The following INTS12 variants were observed in gnomAD, a reference collection of about 807,000 sequenced individuals.
INTS12 encodes integrator complex subunit 12.
A neutral mutation model predicts 41.6 loss-of-function variants in INTS12; 13 were observed. That is an observed-to-expected ratio of 0.31 (90% confidence interval 0.20 to 0.50). The LOEUF is 0.50. Ranked by LOEUF, INTS12 falls within the 20% of genes least tolerant of loss-of-function variation. The pLI, the probability that INTS12 is intolerant of heterozygous loss-of-function variation, is 0.98. For missense variants in INTS12, 432 were observed against 541.6 expected (o/e 0.80, Z 2.01); for synonymous variants, 199 against 191.4 (o/e 1.04, Z -0.33).
chr4:105,688,844 A>G (rs1731581942), intron 6 of INTS12, among the ~76,000 whole-genome samples: 1 of 152,246 alleles, frequency 6.6e-6, no homozygotes, highest in Non-Finnish European at 1.5e-5. Flanking sequence ...TTATCCAGCC[A>G]TCTTAGAAAC....
intron 2 of INTS12, among the ~76,000 whole-genome samples, chr4:105,702,293 A>G (rs1459282997): frequency 6.6e-6 from 1 of 150,444 alleles, no homozygotes; most frequent in African/African-American, 2.4e-5. Context: ...CCGCCACCAC[A>G]CCCGGCTAAT....
At chr4:105,703,410 T>C (rs1578393066) in intron 2 of INTS12, among the ~76,000 whole-genome samples, 1 of 152,166 alleles carries the variant, frequency 6.6e-6, no homozygotes, top group East Asian at 1.9e-4. Context: ...AGCACAAAAA[T>C]CGCCATTACT....
rs1376864958 is a variant in INTS12, at chr4:105,695,669, C to A, written c.157-1G>T. On this transcript the variant is annotated splice_acceptor_variant, in intron 3 of 7. Transcript: ENST00000340139. LOFTEE classifies it high-confidence loss of function. The stretch of plus-strand genomic sequence containing the variant: ...TTGAAATTTTGGGTGGCTCCACATC[C>A]TAAAAGATGAAAAAAGGTACCAGTA... 1 of 1,606,078 alleles carries A rather than the reference C, an allele frequency of 6.2e-7. No homozygotes were observed. The highest frequency in any genetic ancestry group is 1.7e-5 in the Admixed American group (1 of 58,688).
chr4:105,687,821 C>T lies in INTS12; in HGVS notation c.658-983G>A, dbSNP rs186763152. Among the ~76,000 whole-genome samples, 615 of 152,132 alleles carry T rather than the reference C, an allele frequency of 4.0e-3. 5 individuals are homozygous for T. Among genetic ancestry groups the T allele is most frequent in the African/African-American group, 0.014 (591 of 41,524 alleles). ...TACAGAAATTAGCTGGGCATGGTGG[C>T]GGGTGCCTGTAATTCCAGCTACTCA... On this transcript the variant is annotated intron_variant, in intron 6 of 7. Transcript: ENST00000340139.
At chr4:105,708,299 T>G (rs1732374764) in intron 1 of INTS12, 1 of 985,354 alleles carries the variant, frequency 1.0e-6, no homozygotes, top group South Asian at 4.7e-5. Context: ...GGATGGTCCT[T>G]GACAGGGGAG....
At position 105,683,004 on chromosome 4, in the gene INTS12, A is replaced by T. The variant is rs762497667; in HGVS notation, c.1118T>A (p.Leu373His). Residue 373 changes from leucine to histidine, a missense_variant, in exon 8 of 8, where the codon CTT becomes CAT. Physicochemically the swap from Leu to His is moderately conservative, Grantham distance 99. Coordinates refer to ENST00000340139, the MANE Select transcript of INTS12 (RefSeq NM_020395.4). ...PPPLTLGKTG[L>H]SRSVSCDNVS... Reference sequence around the variant, plus strand: ...ATTGTCACAACTAACTGAGCGACTAAGGCCAGTTTTACCCAAGGTTAGAGG... The same window carrying T: ...ATTGTCACAACTAACTGAGCGACTATGGCCAGTTTTACCCAAGGTTAGAGG... The T allele has an allele frequency of 2.9e-5, 47 of 1,614,040 alleles. No homozygotes were observed. The highest frequency in any genetic ancestry group is 3.6e-5 in the Non-Finnish European group (43 of 1,179,980).
chr4:105,702,815 A>G (rs1288598728), intron 2 of INTS12: 4 of 865,730 alleles, frequency 4.6e-6, no homozygotes, highest in Non-Finnish European at 5.5e-6. Flanking sequence ...AACAGAAAAC[A>G]GTAGTTGAAC....
chr4:105,695,868 G>C (rs1731845239), intron 3 of INTS12, among the ~76,000 whole-genome samples, 200 bp from the exon 4 acceptor site: 1 of 151,030 alleles, frequency 6.6e-6, no homozygotes, highest in Non-Finnish European at 1.5e-5. Flanking sequence ...TTATTTTTTG[G>C]GACAGAGTCT....
In INTS12 at chr4:105,683,143, T is replaced by G; in HGVS notation, c.979A>C (p.Asn327His). The change falls in exon 8 of 8, where the codon AAC becomes CAC. Residue 327 changes from asparagine to histidine, a missense_variant. Physicochemically the swap from Asn to His is moderately conservative, Grantham distance 68. Coordinates refer to ENST00000340139, the MANE Select transcript of INTS12 (RefSeq NM_020395.4). ...NTGKPATSSA[N>H]QKPVGLTGLA... is the part of the protein sequence containing the mutation. Reference sequence around the variant, plus strand: ...CCAGTCAAACCCACAGGTTTCTGGTTAGCTGACGAAGTAGCAGGTTTCCCA... The same window carrying G: ...CCAGTCAAACCCACAGGTTTCTGGTGAGCTGACGAAGTAGCAGGTTTCCCA... 1.2e-6 allele frequency: 2 copies of G among 1,614,144 alleles called. No homozygotes were observed. The highest frequency in any genetic ancestry group is 2.2e-5 in the South Asian group (2 of 91,084).
At chr4:105,684,901 G>C (rs1731450546) in intron 7 of INTS12, among the ~76,000 whole-genome samples, 1 of 152,038 alleles carries the variant, frequency 6.6e-6, no homozygotes, top group Non-Finnish European at 1.5e-5. Flanking sequence ...GGAAGTACAA[G>C]CAAGAAAGCA....
chr4:105,708,155 A>AG, intron 1 of INTS12: 1 of 985,436 alleles, frequency 1.0e-6, no homozygotes, highest in Non-Finnish European at 1.2e-6. Flanking sequence ...CTGATACCTT[A>AG]GGGACACCTG....
intron 6 of INTS12, among the ~76,000 whole-genome samples, chr4:105,687,908 G>C: frequency 6.6e-6 from 1 of 151,990 alleles, no homozygotes; most frequent in East Asian, 1.9e-4. Context: ...AGCCGAGATC[G>C]CACCACTGCC....
At chr4:105,687,904 G>C (rs1731551620) in intron 6 of INTS12, among the ~76,000 whole-genome samples, 1 of 152,024 alleles carries the variant, frequency 6.6e-6, no homozygotes, top group African/African-American at 2.4e-5. Context: ...AGTGAGCCGA[G>C]ATCGCACCAC....
In INTS12 at chr4:105,704,075, ATCT is replaced by A. The variant is rs1578393590; in HGVS notation, c.-171-269_-171-267del. Among the ~76,000 whole-genome samples the A allele has an allele frequency of 1.1e-4, 16 of 151,232 alleles. No individual in the cohort carries two copies. The South Asian group carries it at 3.4e-3, about 32-fold the overall frequency. On this transcript the variant is annotated intron_variant, in intron 1 of 7. Transcript: ENST00000340139. ...TCATTGACATTAAATATATTCAAAC[ATCT>A]TCTATCTTTTCTCTTTTATAGCAAA...
At chr4:105,698,830 C>T (rs1465166973) in intron 3 of INTS12, among the ~76,000 whole-genome samples, 1 of 152,158 alleles carries the variant, frequency 6.6e-6, no homozygotes, top group Non-Finnish European at 1.5e-5. Flanking sequence ...GGACTAGATC[C>T]TCTCTTGAGC....
Position 105,691,960 on chromosome 4 carries a change from A to C in INTS12, c.657+16T>G, listed in dbSNP as rs1292698668. 6.7e-7 allele frequency: 1 copy of C among 1,500,716 alleles called. No homozygotes were observed. Among genetic ancestry groups the C allele is most frequent in the South Asian group, 1.4e-5 (1 of 72,580 alleles). 93.0% of individuals were successfully genotyped at this position (1,500,716 alleles called of 1,614,324 possible). On this transcript the variant is annotated intron_variant, in intron 6 of 7. Coordinates refer to ENST00000340139, the MANE Select transcript of INTS12 (RefSeq NM_020395.4). ...ATTGACAGACTGTTTAAAATAAAGA[A>C]AAATATGATTCCTACCATTCTTTTC...
intron 5 of INTS12, 78 bp downstream of exon 5, chr4:105,693,221 T>C: frequency 8.5e-7 from 1 of 1,181,310 alleles, no homozygotes; most frequent in East Asian, 2.4e-5. Flanking sequence ...ATTTTTCTGA[T>C]TTTGGGGGTT....
intron 3 of INTS12, among the ~76,000 whole-genome samples, chr4:105,699,209 A>C (rs965679418): frequency 1.4e-4 from 21 of 152,244 alleles, no homozygotes; most frequent in African/African-American, 5.1e-4. Context: ...GATCATTATC[A>C]TAATTAAAAT....
At position 105,682,675 on chromosome 4, in the gene INTS12, C is replaced by T; in HGVS notation, c.*58G>A. ...AATTACAGTGTATTACAGATTATAT[C>T]ATAATAATAAGCCTTTCATCTTTAG... On this transcript the variant is annotated 3_prime_UTR_variant, in exon 8 of 8. Coordinates refer to ENST00000340139, the MANE Select transcript of INTS12 (RefSeq NM_020395.4). 7.9e-7 allele frequency: 1 copy of T among 1,266,016 alleles called. No homozygotes were observed. Among genetic ancestry groups the T allele is most frequent in the South Asian group, 1.3e-5 (1 of 76,334 alleles). 78.4% of individuals were successfully genotyped at this position (1,266,016 alleles called of 1,614,324 possible).
Sources: gnomAD v4.1 joint callset for allele counts (sites outside exome capture counted in the v4.1 genomes callset) on GRCh38, gnomAD v4.1.1 for gene constraint, MANE v1.5 for transcripts, NCBI Gene and HGNC (gene_info 2026-07-23, HGNC 2026-07-21) for gene names.